The following CELF2 variants were observed in gnomAD, a reference collection of about 807,000 sequenced individuals.
CELF2 encodes the protein CUGBP Elav-like family member 2, also known as CUG triplet repeat RNA-binding protein 2.
Under a neutral mutation model 62.6 loss-of-function variants are expected in CELF2, and 8 were observed. The observed-to-expected ratio is 0.13, with a 90% confidence interval of 0.07 to 0.23. CELF2 has a LOEUF of 0.23. CELF2 is among the 10% of genes least tolerant of loss of function. CELF2 has a pLI of 1.00. For synonymous variants in CELF2, 258 were observed against 250.0 expected (o/e 1.03, Z -0.30); for missense variants, 333 against 671.0 (o/e 0.50, Z 5.56).
At chr10:10,839,580 C>T (rs1345538290) in intron 1 of CELF2, among the ~76,000 whole-genome samples, 1 of 152,242 alleles carries the variant, frequency 6.6e-6, no homozygotes, top group Non-Finnish European at 1.5e-5. Context: ...ACATATTTCA[C>T]TCGTTTCAGA....
chr10:11,015,972 T>C (rs570843875), upstream of CELF2, among the ~76,000 whole-genome samples: 195 of 152,378 alleles, frequency 1.3e-3, 4 homozygotes, highest in Admixed American at 5.9e-3. The surrounding 1 kb of genome is among the most constrained non-coding windows in gnomAD (Gnocchi z 4.8). Flanking sequence ...CTTTATGCTA[T>C]GGCTGATTAG....
At chr10:11,256,769 C>T (rs898432667) in intron 4 of CELF2, among the ~76,000 whole-genome samples, 2 of 151,792 alleles carry the variant, frequency 1.3e-5, no homozygotes, top group Admixed American at 6.6e-5. Context: ...TCACATTTCC[C>T]GAGCACAAGC....
At chr10:10,769,635 A>G in the CELF2 span, among the ~76,000 whole-genome samples, 4 of 152,038 alleles carry the variant, frequency 2.6e-5, no homozygotes, top group Non-Finnish European at 5.9e-5. Context: ...ATGGTGGTGC[A>G]TGACTGTAGT....
In CELF2 at chr10:10,938,443, TC is replaced by T. The variant is rs2046660419; in HGVS notation, c.89+18446del. 6.6e-6 allele frequency among the ~76,000 whole-genome samples: 1 copy of T among 152,216 alleles called. No homozygotes were observed. The highest frequency in any genetic ancestry group is 1.5e-5 in the Non-Finnish European group (1 of 68,034). On this transcript the variant is annotated intron_variant, in intron 2 of 13. Coordinates refer to the CELF2 transcript ENST00000636488. This position sits in a 1 kb window ranked among gnomAD's most constrained non-coding sequence, Gnocchi z 4.2. The stretch of plus-strand genomic sequence containing the variant: ...CAGAGAATATGCCTGGGTTTTTGTG[TC>T]CTTCAAATTTCGTTTGAATGAACAT...
chr10:10,584,068 C>T, the CELF2 span, among the ~76,000 whole-genome samples: 6 of 152,054 alleles, frequency 3.9e-5, no homozygotes, highest in Admixed American at 2.0e-4. Flanking sequence ...GTTGATAGAG[C>T]GATTAGCAGG....
intron 1 of CELF2, among the ~76,000 whole-genome samples, chr10:11,061,872 G>A (rs537333266): frequency 6.6e-6 from 1 of 152,372 alleles, no homozygotes; most frequent in Non-Finnish European, 1.5e-5. Flanking sequence ...GAGTGCAGTG[G>A]CATGATCTCA....
chr10:11,234,602 A>AC (rs2070329044), intron 3 of CELF2, among the ~76,000 whole-genome samples: 1 of 56,496 alleles, frequency 1.8e-5, no homozygotes, highest in Non-Finnish European at 6.2e-5. Flanking sequence ...GAATGGCGTG[A>AC]ACCCGGGGGG....
intron 2 of CELF2, among the ~76,000 whole-genome samples, chr10:11,208,918 A>G (rs1403651117): frequency 6.6e-6 from 1 of 152,228 alleles, no homozygotes; most frequent in Admixed American, 6.5e-5. Context: ...GTGATTCCAC[A>G]GGAAAGGCAA....
At chr10:11,180,347 A>G (rs1006196119) in intron 2 of CELF2, among the ~76,000 whole-genome samples, 1 of 152,104 alleles carries the variant, frequency 6.6e-6, no homozygotes, top group African/African-American at 2.4e-5. Context: ...TCCCTCCTCC[A>G]CCACCGCTTC....
intron 1 of CELF2, among the ~76,000 whole-genome samples, chr10:10,860,509 A>G (rs1465381459): frequency 6.6e-6 from 1 of 152,234 alleles, no homozygotes; most frequent in African/African-American, 2.4e-5. Flanking sequence ...TATAAGAGAA[A>G]AAAGTCAATT....
intron 9 of CELF2, among the ~76,000 whole-genome samples, chr10:11,304,627 T>C (rs1322566664): frequency 6.6e-6 from 1 of 152,186 alleles, no homozygotes; most frequent in Non-Finnish European, 1.5e-5. Flanking sequence ...AAGCCCTACT[T>C]CCACTCCTGT....
the CELF2 span, among the ~76,000 whole-genome samples, chr10:10,758,755 T>C: frequency 5.8e-4 from 88 of 152,384 alleles, no homozygotes; most frequent in Admixed American, 1.3e-3. Context: ...ATCCAGTGTG[T>C]AATTGACAGA....
chr10:11,003,613 G>A (rs2054742427), upstream of CELF2, among the ~76,000 whole-genome samples: 3 of 152,108 alleles, frequency 2.0e-5, no homozygotes, highest in Admixed American at 2.0e-4. The surrounding 1 kb of genome is among the most constrained non-coding windows in gnomAD (Gnocchi z 4.4). Context: ...GGAGTAAAGA[G>A]AGCCACAGAG....
At position 11,244,086 on chromosome 10, in the gene CELF2, G is replaced by A. The variant is rs2765976; in HGVS notation, c.355-5067G>A. 0.64 allele frequency among the ~76,000 whole-genome samples: 97,647 copies of A among 152,120 alleles called. 31,824 individuals are homozygous for A. The highest frequency in any genetic ancestry group is 0.9 in the East Asian group (4,640 of 5,166). The stretch of plus-strand genomic sequence containing the variant: ...GAGATCCTGCCTCCAGCCCCATCTA[G>A]CTCTGGCAGCAGGGAGGGCCAGGGT... On this transcript the variant is annotated intron_variant, in intron 3 of 12. Coordinates refer to ENST00000633077, the MANE Select transcript of CELF2 (RefSeq NM_001326342.2). This position sits in a 1 kb window ranked among gnomAD's most constrained non-coding sequence, Gnocchi z 4.2.
In CELF2 at chr10:10,935,997, CA is replaced by C. The variant is rs776115220; in HGVS notation, c.89+16013del. 5.1e-3 allele frequency among the ~76,000 whole-genome samples: 655 copies of C among 129,518 alleles called. 1 individual carries two copies. Among genetic ancestry groups the C allele is most frequent in the Middle Eastern group, 0.016 (4 of 254 alleles). 85.0% of individuals were successfully genotyped at this position (129,518 alleles called of 152,430 possible). ...TGAAACCGCATCTCTACTAAAAATA[CA>C]AAAAAAAAAAAAAATTAGCCAGGCG... On this transcript the variant is annotated intron_variant, in intron 2 of 13. Transcript: ENST00000636488.
At position 11,214,379 on chromosome 10, in the gene CELF2, CCAA is replaced by C. The variant is rs2062736940; in HGVS notation, c.272-3045_272-3043del. ...TCATTCAGAAACTAAATGTGAAAAA[CCAA>C]AAGAAGCCTCTGGGGTTAGTATTCC... On this transcript the variant is annotated intron_variant, in intron 2 of 12. Coordinates refer to ENST00000633077, the MANE Select transcript of CELF2 (RefSeq NM_001326342.2). This position sits in a 1 kb window ranked among gnomAD's most constrained non-coding sequence, Gnocchi z 4.2. 6.6e-6 allele frequency among the ~76,000 whole-genome samples: 1 copy of C among 152,204 alleles called. No homozygotes were observed. The highest frequency in any genetic ancestry group is 1.5e-5 in the Non-Finnish European group (1 of 68,026).
the CELF2 span, among the ~76,000 whole-genome samples, chr10:10,778,209 G>A: frequency 6.6e-6 from 1 of 152,180 alleles, no homozygotes; most frequent in South Asian, 2.1e-4. Flanking sequence ...AGATTTGAAA[G>A]GGATCTTACG....
At chr10:11,245,296 A>AT (rs111278851) in intron 3 of CELF2, among the ~76,000 whole-genome samples, 2,348 of 152,176 alleles carry the variant, frequency 0.015, 54 homozygotes, top group East Asian at 0.064. Context: ...CCTCCCACCC[A>AT]TTTTTTTGTC....
At chr10:10,632,486 TAA>T in the CELF2 span, among the ~76,000 whole-genome samples, 4 of 152,016 alleles carry the variant, frequency 2.6e-5, no homozygotes, top group Admixed American at 2.6e-4. Flanking sequence ...AAAAAGGAGA[TAA>T]TCTAGACCTA....
Sources: allele counts gnomAD v4.1 joint callset (sites outside exome capture counted in the v4.1 genomes callset), GRCh38; gene constraint gnomAD v4.1.1; non-coding constraint Gnocchi (gnomAD v3.1); transcripts MANE v1.5; gene names NCBI Gene and HGNC (gene_info 2026-07-23, HGNC 2026-07-21).